The following ANKRD16 variants were observed in gnomAD, a reference collection of about 807,000 sequenced individuals.
ANKRD16 encodes the protein ankyrin repeat domain 16.
Under a neutral mutation model 37.9 loss-of-function variants are expected in ANKRD16, and 35 were observed. The observed-to-expected ratio is 0.92, with a 90% CI of 0.71 to 1.23. The LOEUF (loss-of-function observed/expected upper bound fraction) is 1.23. Among genes scored for constraint, ANKRD16 ranks in the 50% most tolerant of loss-of-function variants. ANKRD16 has a pLI of 0.00. For synonymous variants in ANKRD16, 206 were observed against 197.2 expected (o/e 1.04, Z -0.37); for missense variants, 480 against 469.9 (o/e 1.02, Z -0.20).
Position 5,862,803 on chromosome 10 carries a change from G to A in ANKRD16, c.*34-112C>T. The A allele has an allele frequency of 1.6e-6, 1 of 638,222 alleles. No individual in the cohort carries two copies. The highest frequency in any genetic ancestry group is 2.5e-6 in the Non-Finnish European group (1 of 400,016). 39.5% of individuals were successfully genotyped at this position (638,222 alleles called of 1,614,324 possible). A position where few individuals can be genotyped will look rare whatever the true frequency, so the allele number is the denominator to read the frequency against. On this transcript the variant is annotated intron_variant, in intron 7 of 7. Coordinates refer to ENST00000380094, the MANE Select transcript of ANKRD16 (RefSeq NM_019046.3). This position sits in a 1 kb window ranked among gnomAD's most constrained non-coding sequence, Gnocchi z 6.5. ...TGGACTCAGGGCTGCTGGCTACAGGGCCTGGCTCTACATGCTGCACAGTCA... is the reference window on the plus strand; with the variant it reads ...TGGACTCAGGGCTGCTGGCTACAGGACCTGGCTCTACATGCTGCACAGTCA...
In ANKRD16 at chr10:5,864,022, C is replaced by T. The variant is rs559294825; in HGVS notation, c.*34-1331G>A. 2.8e-4 allele frequency among the ~76,000 whole-genome samples: 43 copies of T among 152,220 alleles called. No homozygotes were observed. The highest frequency in any genetic ancestry group is 9.6e-4 in the African/African-American group (40 of 41,492). ...AGGTGGCTCATTTTTTTCTGCACTACAGCCTGGCCCCAATATTCTCTCTCT... is the reference window on the plus strand; with the variant it reads ...AGGTGGCTCATTTTTTTCTGCACTATAGCCTGGCCCCAATATTCTCTCTCT... On this transcript the variant is annotated intron_variant, in intron 7 of 7. Coordinates refer to ENST00000380094, the MANE Select transcript of ANKRD16 (RefSeq NM_019046.3). The surrounding 1 kb of genome is among the most constrained non-coding windows in gnomAD (Gnocchi z 4.4).
Position 5,878,371 on chromosome 10 carries a change from A to T in ANKRD16, c.929-84T>A. The T allele has an allele frequency of 8.2e-7, 1 of 1,224,570 alleles. No individual in the cohort carries two copies. The highest frequency in any genetic ancestry group is 1.1e-6 in the Non-Finnish European group (1 of 888,672). The allele number at this position is 1,224,570 out of a possible 1,614,324, so 75.9% of individuals were successfully genotyped here. A position where few individuals can be genotyped will look rare whatever the true frequency, so the allele number is the denominator to read the frequency against. On this transcript the variant is annotated intron_variant, in intron 6 of 7. Transcript: ENST00000380094. The surrounding 1 kb of genome is among the most constrained non-coding windows in gnomAD (Gnocchi z 5.1). ...TCATGAGTTGATAGTGCCCAATAAA[A>T]ATATCAATTCTTTCAATATCTTCCG...
chr10:5,887,630 C>T (rs1041502251), intron 2 of ANKRD16, among the ~76,000 whole-genome samples: 3 of 152,234 alleles, frequency 2.0e-5, no homozygotes, highest in African/African-American at 4.8e-5. Flanking sequence ...GTGATCCACC[C>T]GCCTCCGGCC....
chr10:5,873,356 C>G (rs1022856275), intron 7 of ANKRD16, among the ~76,000 whole-genome samples: 1 of 150,826 alleles, frequency 6.6e-6, no homozygotes, highest in Non-Finnish European at 1.5e-5. Context: ...GTATGTTTAG[C>G]AGAGATGGGG....
rs1296511455 is a variant in ANKRD16 at position 5,865,964 on chromosome 10, G to A, written c.*34-3273C>T. On this transcript the variant is annotated intron_variant, in intron 7 of 7. Transcript: ENST00000380094. This position sits in a 1 kb window ranked among gnomAD's most constrained non-coding sequence, Gnocchi z 4.7. ...ACCCCACAACCAGTGGCATACCTAA[G>A]TAAGGAAACTGATATAGTAGCAAAA... Among the ~76,000 whole-genome samples, 2 of 152,120 alleles carry A rather than the reference G, an allele frequency of 1.3e-5. No individual in the cohort carries two copies. Among genetic ancestry groups the A allele is most frequent in the African/African-American group, 4.8e-5 (2 of 41,372 alleles).
rs1176496091 is a variant in ANKRD16, at chr10:5,870,143, C to A, written c.*34-7452G>T. Among the ~76,000 whole-genome samples, 2 of 152,136 alleles carry A rather than the reference C, an allele frequency of 1.3e-5. No individual in the cohort carries two copies. Among genetic ancestry groups the A allele is most frequent in the Non-Finnish European group, 2.9e-5 (2 of 68,030 alleles). On this transcript the variant is annotated intron_variant, in intron 7 of 7. Transcript: ENST00000380094. The surrounding 1 kb of genome is among the most constrained non-coding windows in gnomAD (Gnocchi z 5.0). ...ACTGTAATCTGCTCCATTAAAAAAA[C>A]CAAAACATCGATCCACATCCCTCTC...
chr10:5,889,572 A>C lies in ANKRD16; in HGVS notation c.-218T>G. 2.9e-5 allele frequency: 7 copies of C among 239,232 alleles called. No homozygotes were observed. Among genetic ancestry groups the C allele is most frequent in the Non-Finnish European group, 3.1e-5 (4 of 128,650 alleles). 14.8% of individuals were successfully genotyped at this position (239,232 alleles called of 1,614,324 possible). A position where few individuals can be genotyped will look rare whatever the true frequency, so the allele number is the denominator to read the frequency against. On this transcript the variant is annotated 5_prime_UTR_variant, in exon 1 of 8. Coordinates refer to ENST00000380094, the MANE Select transcript of ANKRD16 (RefSeq NM_019046.3). ...TAGTCCGCAGGCGGGCTGCCCCCTC[A>C]CAGCCCCGGCCTGCCCCGCGTGGGA...
Position 5,866,938 on chromosome 10 carries a change from G to A in ANKRD16, c.*34-4247C>T, listed in dbSNP as rs1156632620. Among the ~76,000 whole-genome samples, 1 of 152,064 alleles carries A rather than the reference G, an allele frequency of 6.6e-6. No individual in the cohort carries two copies. Among genetic ancestry groups the A allele is most frequent in the African/African-American group, 2.4e-5 (1 of 41,382 alleles). ...AGAGAAACAGAAAGTCAAAGAAAGA[G>A]AGGGAGAGACAAAGAGGGAGTCAGA... On this transcript the variant is annotated intron_variant, in intron 7 of 7. Coordinates refer to ENST00000380094, the MANE Select transcript of ANKRD16 (RefSeq NM_019046.3). The surrounding 1 kb of genome is among the most constrained non-coding windows in gnomAD (Gnocchi z 4.3).
intron 2 of ANKRD16, 53 bp from the exon 3 acceptor site, chr10:5,885,818 T>G (rs1334723355): frequency 1.3e-6 from 2 of 1,555,802 alleles, no homozygotes; most frequent in Non-Finnish European, 1.7e-6. Flanking sequence ...ACACACAAAA[T>G]GCTTCCTGCC....
In ANKRD16 at chr10:5,863,954, T is replaced by C. The variant is rs1212898413; in HGVS notation, c.*34-1263A>G. Among the ~76,000 whole-genome samples, 1 of 152,094 alleles carries C rather than the reference T, an allele frequency of 6.6e-6. No individual in the cohort carries two copies. The highest frequency in any genetic ancestry group is 1.5e-5 in the Non-Finnish European group (1 of 68,016). Reference sequence around the variant, plus strand: ...TCAACAGGCTCACCCTTGAAATGCATCTAAGCCATTGGGACCAGTTTGACC... The same window carrying C: ...TCAACAGGCTCACCCTTGAAATGCACCTAAGCCATTGGGACCAGTTTGACC... On this transcript the variant is annotated intron_variant, in intron 7 of 7. Coordinates refer to ENST00000380094, the MANE Select transcript of ANKRD16 (RefSeq NM_019046.3). The surrounding 1 kb of genome is among the most constrained non-coding windows in gnomAD (Gnocchi z 4.7).
Sources: allele counts gnomAD v4.1 joint callset (sites outside exome capture counted in the v4.1 genomes callset), GRCh38; gene constraint gnomAD v4.1.1; non-coding constraint Gnocchi (gnomAD v3.1); transcripts MANE v1.5; gene names NCBI Gene and HGNC (gene_info 2026-07-23, HGNC 2026-07-21).